The following FOXP2 variants were observed in gnomAD, a reference collection of about 807,000 sequenced individuals.
FOXP2 encodes forkhead box protein P2.
Under a neutral mutation model 115.8 loss-of-function variants are expected in FOXP2, and 12 were observed. That is an observed-to-expected ratio of 0.10 (90% CI 0.07 to 0.17). The LOEUF is 0.17. Among genes scored for constraint, FOXP2 ranks in the 10% least tolerant of loss-of-function variants. The probability of loss-of-function intolerance (pLI) is 1.00; values close to 1 mark genes in which losing one functional copy is unlikely to be tolerated. For missense variants in FOXP2, 629 were observed against 843.5 expected (o/e 0.75, Z 3.15); for synonymous variants, 328 against 297.7 (o/e 1.10, Z -1.05).
chr7:114,663,412 T>C, intron 14 of FOXP2, 38 bp from the exon 15 acceptor site: 1 of 1,398,306 alleles, frequency 7.2e-7, no homozygotes, highest in Non-Finnish European at 1.0e-6. Context: ...GTTTTATATT[T>C]TGACGTATAA....
At chr7:114,587,797 A>C (rs1366347960) in intron 3 of FOXP2, among the ~76,000 whole-genome samples, 1 of 148,290 alleles carries the variant, frequency 6.7e-6, no homozygotes, top group Non-Finnish European at 1.5e-5. Flanking sequence ...CCTGTATAGG[A>C]AGAGGAGACC....
At chr7:114,147,340 T>G (rs1450799711) in intron 1 of FOXP2, among the ~76,000 whole-genome samples, 2 of 152,160 alleles carry the variant, frequency 1.3e-5, no homozygotes, top group Non-Finnish European at 2.9e-5. Flanking sequence ...CTTCTGCAGG[T>G]GTAAACACAG....
intron 2 of FOXP2, among the ~76,000 whole-genome samples, chr7:114,382,141 C>G (rs1215057315): frequency 1.3e-5 from 2 of 152,160 alleles, no homozygotes; most frequent in Non-Finnish European, 2.9e-5. Context: ...GGAGAAGTAT[C>G]TAGTGACTGG....
chr7:114,686,933 G>C (rs1314227654), intron 16 of FOXP2, among the ~76,000 whole-genome samples: 1 of 152,018 alleles, frequency 6.6e-6, no homozygotes, highest in Non-Finnish European at 1.5e-5. Context: ...AACTTTCTAG[G>C]ATCCAAATGT....
chr7:114,339,268 C>A (rs1405509081), intron 2 of FOXP2, among the ~76,000 whole-genome samples: 1 of 151,014 alleles, frequency 6.6e-6, no homozygotes, highest in East Asian at 1.9e-4. Flanking sequence ...AAACTGAGTG[C>A]AACATGGTAT....
chr7:114,531,294 A>C (rs1799133125), intron 2 of FOXP2, among the ~76,000 whole-genome samples: 1 of 151,874 alleles, frequency 6.6e-6, no homozygotes, highest in African/African-American at 2.4e-5. Flanking sequence ...GTATTGATAG[A>C]AGTGGCAAGT....
chr7:114,693,722 C>T lies in FOXP2; in HGVS notation c.*3796C>T. On this transcript the variant is annotated 3_prime_UTR_variant, in exon 17 of 17. Transcript: ENST00000350908. Reference sequence around the variant, plus strand: ...TGAAACCATTTCATTCACTTGATTACATTTCTGAAGTATAAATAAAAAAAT... The same window carrying T: ...TGAAACCATTTCATTCACTTGATTATATTTCTGAAGTATAAATAAAAAAAT... 6.1e-6 allele frequency: 2 copies of T among 326,560 alleles called. No individual in the cohort carries two copies. Among genetic ancestry groups the T allele is most frequent in the South Asian group, 5.2e-5 (2 of 38,510 alleles). The allele number at this position is 326,560 out of a possible 1,614,324, so 20.2% of individuals were successfully genotyped here. A position where few individuals can be genotyped will look rare whatever the true frequency, so the allele number is the denominator to read the frequency against.
intron 2 of FOXP2, among the ~76,000 whole-genome samples, chr7:114,302,060 C>T (rs997303100): frequency 6.6e-6 from 1 of 152,134 alleles, no homozygotes; most frequent in Non-Finnish European, 1.5e-5. Context: ...TAGTAGAAGT[C>T]AACCCATAAT....
In FOXP2 at chr7:114,692,755, C is replaced by A. The variant is rs1404226913; in HGVS notation, c.*2829C>A. Reference sequence around the variant, plus strand: ...ATAAGCTGATTATGGGGACTATGATCTTTTGTATACAGCAAATTTTAAACT... The same window carrying A: ...ATAAGCTGATTATGGGGACTATGATATTTTGTATACAGCAAATTTTAAACT... On this transcript the variant is annotated 3_prime_UTR_variant, in exon 17 of 17. Coordinates refer to ENST00000350908, the MANE Select transcript of FOXP2 (RefSeq NM_014491.4). 4.5e-6 allele frequency: 2 copies of A among 442,776 alleles called. No homozygotes were observed. Among genetic ancestry groups the A allele is most frequent in the Non-Finnish European group, 4.5e-6 (1 of 222,252 alleles). 27.4% of individuals were successfully genotyped at this position (442,776 alleles called of 1,614,324 possible).
intron 2 of FOXP2, among the ~76,000 whole-genome samples, chr7:114,466,922 C>G (rs1313511292): frequency 2.0e-5 from 3 of 152,122 alleles, no homozygotes; most frequent in African/African-American, 7.2e-5. Flanking sequence ...AATATAACAC[C>G]TGTGTGCTAA....
chr7:114,419,686 CTG>C (rs1283616283), intron 1 of FOXP2: 1 of 150,494 alleles, frequency 6.6e-6, no homozygotes, highest in Non-Finnish European at 1.5e-5. Context: ...CAAAAAACCT[CTG>C]TGACAGGTCG....
intron 2 of FOXP2, among the ~76,000 whole-genome samples, chr7:114,454,065 A>C (rs999180919): frequency 1.3e-5 from 2 of 151,338 alleles, no homozygotes; most frequent in African/African-American, 4.8e-5. Context: ...AGAAACTACC[A>C]TCAGAGTGAA....
At chr7:114,572,195 A>C (rs1801339692) in intron 3 of FOXP2, among the ~76,000 whole-genome samples, 1 of 151,738 alleles carries the variant, frequency 6.6e-6, no homozygotes, top group African/African-American at 2.4e-5. Context: ...AATAAACTCA[A>C]AAGTGGAAGC....
intron 3 of FOXP2, among the ~76,000 whole-genome samples, chr7:114,540,305 A>G (rs1293736243): frequency 6.6e-6 from 1 of 152,080 alleles, no homozygotes; most frequent in African/African-American, 2.4e-5. Flanking sequence ...ATTAAACTGT[A>G]AGCGATATGA....
intron 3 of FOXP2, among the ~76,000 whole-genome samples, chr7:114,620,961 A>G (rs932153252): frequency 1.4e-4 from 22 of 151,962 alleles, no homozygotes; most frequent in Admixed American, 6.6e-4. Context: ...TTGAGGATAA[A>G]TTCTGGGCAA....
At chr7:114,455,765 A>C (rs1795288940) in intron 2 of FOXP2, among the ~76,000 whole-genome samples, 1 of 152,114 alleles carries the variant, frequency 6.6e-6, no homozygotes, top group Non-Finnish European at 1.5e-5. Context: ...ATCTGACCCT[A>C]CCGCTTTTTC....
chr7:114,379,516 G>A (rs552110487), intron 2 of FOXP2, among the ~76,000 whole-genome samples: 2 of 152,118 alleles, frequency 1.3e-5, no homozygotes, highest in African/African-American at 4.8e-5. Context: ...GGGTTGTGCA[G>A]TTGAGATTTT....
At chr7:114,666,979 TTACTAAA>T (rs1807195641) in intron 16 of FOXP2, 1 of 152,192 alleles carries the variant, frequency 6.6e-6, no homozygotes. Flanking sequence ...TACCTCACTG[TTACTAAA>T]AATGAGTCTA....
At chr7:114,557,713 A>G (rs1299807885) in intron 3 of FOXP2, among the ~76,000 whole-genome samples, 6 of 152,142 alleles carry the variant, frequency 3.9e-5, no homozygotes, top group African/African-American at 1.2e-4. Context: ...AATGCAATTC[A>G]GATAAGTTAT....
Sources: gnomAD v4.1 joint callset for allele counts (sites outside exome capture counted in the v4.1 genomes callset) on GRCh38, gnomAD v4.1.1 for gene constraint, MANE v1.5 for transcripts, NCBI Gene and HGNC (gene_info 2026-07-23, HGNC 2026-07-21) for gene names.